Variants in EPSTI1 observed in about 807,000 individuals in gnomAD.
EPSTI1 encodes the protein epithelial stromal interaction 1.
EPSTI1 carries 66 observed loss-of-function variants against 49.9 expected under a neutral mutation model. That is an observed-to-expected ratio of 1.32 (90% CI 1.08 to 1.62). The LOEUF is 1.62. Among genes scored for constraint, EPSTI1 ranks in the 40% most tolerant of loss-of-function variants. EPSTI1 has a pLI of 0.00. For synonymous variants in EPSTI1, 137 were observed against 130.7 expected, an observed-to-expected ratio of 1.05 and a Z score of -0.33; for missense variants, 394 against 365.5, an observed-to-expected ratio of 1.08 and a Z score of -0.64.
intron 6 of EPSTI1, among the ~76,000 whole-genome samples, chr13:42,949,614 GAAAAGAGAGA>G: frequency 6.9e-6 from 1 of 144,872 alleles, no homozygotes; most frequent in South Asian, 2.2e-4. Flanking sequence ...AAAAAGAAAA[GAAAAGAGAGA>G]CTTTTCTTTT....
intron 4 of EPSTI1, 49 bp from the exon 5 acceptor site, chr13:42,963,387 G>A (rs2153431238): frequency 6.9e-7 from 1 of 1,453,520 alleles, no homozygotes; most frequent in Non-Finnish European, 9.5e-7. Flanking sequence ...CCATTTTTCA[G>A]TCTGAACTCT....
chr13:42,926,212 T>C (rs773488257), intron 7 of EPSTI1, 124 bp downstream of exon 7: 50 of 694,476 alleles, frequency 7.2e-5, no homozygotes, highest in Admixed American at 3.3e-4. Flanking sequence ...AAGTTTCGGA[T>C]CAGGTCATCT....
intron 8 of EPSTI1, among the ~76,000 whole-genome samples, chr13:42,904,300 G>A (rs2037438592): frequency 6.6e-6 from 1 of 152,154 alleles, no homozygotes; most frequent in African/African-American, 2.4e-5. Flanking sequence ...CAAGGGATAG[G>A]AACAGGCAGT....
intron 5 of EPSTI1, among the ~76,000 whole-genome samples, chr13:42,957,218 A>G (rs528166566): frequency 6.6e-6 from 1 of 152,386 alleles, no homozygotes; most frequent in East Asian, 1.9e-4. Flanking sequence ...TAAGAGCACC[A>G]GAATGAACAT....
At chr13:42,923,235 A>AT (rs1294691595) in intron 7 of EPSTI1, among the ~76,000 whole-genome samples, 1 of 152,144 alleles carries the variant, frequency 6.6e-6, no homozygotes, top group Non-Finnish European at 1.5e-5. Flanking sequence ...CCAGGATAAG[A>AT]TTTTTTCACA....
At chr13:42,908,137 A>AAAATGGATTAAAGACTTTAAATGT (rs2037551129) in intron 8 of EPSTI1, among the ~76,000 whole-genome samples, 1 of 152,248 alleles carries the variant, frequency 6.6e-6, no homozygotes, top group African/African-American at 2.4e-5. Context: ...TAATCAACTC[A>AAAATGGATTAAAGACTTTAAATGT]AAATGGATTA....
intron 5 of EPSTI1, among the ~76,000 whole-genome samples, chr13:42,956,885 T>G (rs2039290248): frequency 6.6e-6 from 1 of 152,144 alleles, no homozygotes; most frequent in Non-Finnish European, 1.5e-5. Context: ...TATATAGGAA[T>G]GTATGTGCCA....
chr13:42,941,268 T>C (rs2038741754), intron 6 of EPSTI1, among the ~76,000 whole-genome samples: 1 of 152,218 alleles, frequency 6.6e-6, no homozygotes, highest in Non-Finnish European at 1.5e-5. Flanking sequence ...AAATACTGAA[T>C]TTTTATATAA....
intron 8 of EPSTI1, among the ~76,000 whole-genome samples, chr13:42,913,461 G>C (rs1022428023): frequency 1.6e-4 from 24 of 152,246 alleles, no homozygotes; most frequent in African/African-American, 5.5e-4. Flanking sequence ...AATACAAAAA[G>C]TAGTATACTT....
At chr13:42,969,298 A>G (rs2039708150) in intron 2 of EPSTI1, 121 bp from the exon 3 acceptor site, 6 of 949,506 alleles carry the variant, frequency 6.3e-6, no homozygotes, top group African/African-American at 1.7e-5. Flanking sequence ...ATGAGTGAAC[A>G]AGGCTTCCAG....
chr13:42,988,269 G>A (rs747163846), intron 1 of EPSTI1, among the ~76,000 whole-genome samples: 1 of 152,122 alleles, frequency 6.6e-6, no homozygotes, highest in East Asian at 1.9e-4. Flanking sequence ...TTAAAAGGAA[G>A]GATAAAGGTT....
Position 42,888,209 on chromosome 13 carries a change from C to G in EPSTI1, c.*285G>C, listed in dbSNP as rs745828222. 2 of 1,603,282 alleles carry G rather than the reference C, an allele frequency of 1.2e-6. No individual in the cohort carries two copies. The highest frequency in any genetic ancestry group is 1.7e-6 in the Non-Finnish European group (2 of 1,173,196). Reference sequence around the variant, plus strand: ...ACCTGAAAGCATCAAGTGACTCCCTCTTTTTCTACCCTACCAACATCACTC... The same window carrying G: ...ACCTGAAAGCATCAAGTGACTCCCTGTTTTTCTACCCTACCAACATCACTC... On this transcript the variant is annotated 3_prime_UTR_variant, in exon 11 of 11. Coordinates refer to ENST00000313624, the MANE Select transcript of EPSTI1 (RefSeq NM_033255.5).
In EPSTI1 at chr13:42,955,165, A is replaced by G. The variant is rs991106453; in HGVS notation, c.490-1144T>C. ...ACACAGAATTCTAGGAGGCAAACTAATGGAAAATTGTAAAACCAAATAAAC... is the reference window on the plus strand; with the variant it reads ...ACACAGAATTCTAGGAGGCAAACTAGTGGAAAATTGTAAAACCAAATAAAC... On this transcript the variant is annotated intron_variant, in intron 5 of 10. Coordinates refer to ENST00000313624, the MANE Select transcript of EPSTI1 (RefSeq NM_033255.5). 1.1e-4 allele frequency among the ~76,000 whole-genome samples: 17 copies of G among 152,348 alleles called. No homozygotes were observed. The East Asian group carries it at 3.3e-3, about 29-fold the overall frequency.
chr13:42,921,559 C>G (rs146392822), intron 7 of EPSTI1, among the ~76,000 whole-genome samples: 2 of 152,170 alleles, frequency 1.3e-5, no homozygotes, highest in East Asian at 3.9e-4. Flanking sequence ...TCAGAGAACC[C>G]AACATGGGAA....
chr13:42,903,110 C>A (rs2037405334), intron 8 of EPSTI1, among the ~76,000 whole-genome samples: 2 of 152,082 alleles, frequency 1.3e-5, no homozygotes, highest in African/African-American at 4.8e-5. Context: ...GAGTTTAATA[C>A]AATGCATTCT....
intron 9 of EPSTI1, among the ~76,000 whole-genome samples, chr13:42,897,904 C>T (rs1040448664): frequency 3.9e-5 from 6 of 152,144 alleles, no homozygotes; most frequent in African/African-American, 9.7e-5. Flanking sequence ...CAAAATTGTG[C>T]TCTGGGTTTT....
At chr13:42,902,997 C>G (rs1747965785) in intron 8 of EPSTI1, among the ~76,000 whole-genome samples, 2 of 152,084 alleles carry the variant, frequency 1.3e-5, no homozygotes, top group South Asian at 2.1e-4. Context: ...ATATATATAA[C>G]CTAAGCACAA....
At chr13:42,919,952 G>A (rs2037946091) in intron 7 of EPSTI1, among the ~76,000 whole-genome samples, 1 of 152,122 alleles carries the variant, frequency 6.6e-6, no homozygotes, top group Non-Finnish European at 1.5e-5. Context: ...TCCTTCTGAG[G>A]GCTATGTGAG....
chr13:42,890,568 G>T (rs756719434), intron 10 of EPSTI1, among the ~76,000 whole-genome samples: 1 of 152,144 alleles, frequency 6.6e-6, no homozygotes, highest in Non-Finnish European at 1.5e-5. Context: ...AATGTGGTGG[G>T]ATTACAGGCG....
Sources: allele counts gnomAD v4.1 joint callset (sites outside exome capture counted in the v4.1 genomes callset), GRCh38; gene constraint gnomAD v4.1.1; transcripts MANE v1.5; gene names NCBI Gene and HGNC (gene_info 2026-07-23, HGNC 2026-07-21).